The following KIAA1217 variants were observed in gnomAD, a reference collection of about 807,000 sequenced individuals.
KIAA1217 encodes KIAA1217, also known as sickle tail protein homolog.
A neutral mutation model predicts 163.9 loss-of-function variants in KIAA1217; 88 were observed. The observed-to-expected ratio is 0.54, with a 90% confidence interval of 0.45 to 0.64. KIAA1217 has a LOEUF of 0.64. KIAA1217 is among the 30% of genes least tolerant of loss of function. The pLI is 0.00. For missense variants in KIAA1217, 2,372 were observed against 2,475.0 expected, an observed-to-expected ratio of 0.96 and a Z score of 0.88; for synonymous variants, 903 against 923.1, an observed-to-expected ratio of 0.98 and a Z score of 0.39.
At chr10:24,267,829 A>G (rs1385606816) in intron 2 of KIAA1217, among the ~76,000 whole-genome samples, 1 of 152,246 alleles carries the variant, frequency 6.6e-6, no homozygotes, top group East Asian at 1.9e-4. Flanking sequence ...ACAACTGCAT[A>G]TTCTACTCAC....
intron 2 of KIAA1217, among the ~76,000 whole-genome samples, chr10:24,276,571 A>G (rs1289621844): frequency 2.0e-5 from 3 of 150,040 alleles, no homozygotes; most frequent in South Asian, 2.1e-4. Context: ...CAGCCTCCCT[A>G]GTAGCTGGAA....
chr10:24,246,466 C>T (rs1168492318), intron 2 of KIAA1217, among the ~76,000 whole-genome samples: 1 of 152,088 alleles, frequency 6.6e-6, no homozygotes, highest in Non-Finnish European at 1.5e-5. Context: ...CTCAAAAACA[C>T]TCAGTTTATT....
chr10:23,898,471 C>A (rs1841805060), intron 1 of KIAA1217, among the ~76,000 whole-genome samples: 2 of 151,866 alleles, frequency 1.3e-5, no homozygotes, highest in African/African-American at 2.4e-5. Context: ...TATAACTTCA[C>A]CATAAATAAT....
chr10:24,451,839 G>T (rs2132302218), intron 5 of KIAA1217, among the ~76,000 whole-genome samples: 1 of 152,284 alleles, frequency 6.6e-6, no homozygotes, highest in Middle Eastern at 3.4e-3. Context: ...TCATTTTCAA[G>T]TTGCATCCCT....
At chr10:23,826,783 G>A (rs182626053) in intron 1 of KIAA1217, among the ~76,000 whole-genome samples, 252 of 152,210 alleles carry the variant, frequency 1.7e-3, no homozygotes, top group Non-Finnish European at 1.3e-3. Context: ...CATATTCTCG[G>A]TTACTATTCT....
intron 2 of KIAA1217, among the ~76,000 whole-genome samples, chr10:24,270,814 T>C (rs2076702402): frequency 6.6e-6 from 1 of 152,244 alleles, no homozygotes; most frequent in African/African-American, 2.4e-5. Flanking sequence ...CCCAAGGTGA[T>C]GGGATCATAG....
At chr10:23,965,430 G>A (rs1845023530) in intron 1 of KIAA1217, among the ~76,000 whole-genome samples, 1 of 152,228 alleles carries the variant, frequency 6.6e-6, no homozygotes, top group African/African-American at 2.4e-5. Context: ...AGTCATTGTG[G>A]ATAGAGAGGC....
intron 2 of KIAA1217, among the ~76,000 whole-genome samples, chr10:24,263,651 A>T (rs1299284334): frequency 2.0e-5 from 3 of 152,160 alleles, no homozygotes; most frequent in African/African-American, 7.2e-5. Context: ...TTTGCTTTTT[A>T]GGTGTGAGGC....
chr10:24,340,424 A>G (rs547579567), intron 2 of KIAA1217, among the ~76,000 whole-genome samples: 19 of 152,288 alleles, frequency 1.2e-4, no homozygotes, highest in East Asian at 7.7e-4. Context: ...CACGTAAGCC[A>G]TGCCTTTCAC....
At chr10:23,717,619 CTTA>C (rs1837653241) in intron 1 of KIAA1217, among the ~76,000 whole-genome samples, 1 of 152,060 alleles carries the variant, frequency 6.6e-6, no homozygotes, top group Non-Finnish European at 1.5e-5. Context: ...TCTGAATGTT[CTTA>C]TTATTCCTAA....
intron 6 of KIAA1217, among the ~76,000 whole-genome samples, chr10:24,485,899 T>C (rs2065331708): frequency 6.6e-6 from 1 of 152,190 alleles, no homozygotes; most frequent in Non-Finnish European, 1.5e-5. Flanking sequence ...TTAATGAACT[T>C]GAATGCAGCA....
intron 2 of KIAA1217, among the ~76,000 whole-genome samples, chr10:24,130,296 A>G (rs1051402490): frequency 6.6e-6 from 1 of 152,210 alleles, no homozygotes; most frequent in Admixed American, 6.5e-5. Context: ...ACTAGCTTCA[A>G]ATGTATTATA....
chr10:23,739,395 T>A (rs894602245), intron 1 of KIAA1217, among the ~76,000 whole-genome samples: 9 of 152,218 alleles, frequency 5.9e-5, no homozygotes, highest in African/African-American at 2.2e-4. Flanking sequence ...ATTTTGTTTT[T>A]TAAAAAAGTA....
chr10:24,310,724 T>C (rs1372092543), intron 2 of KIAA1217, among the ~76,000 whole-genome samples: 1 of 152,082 alleles, frequency 6.6e-6, no homozygotes, highest in African/African-American at 2.4e-5. Flanking sequence ...AGGCTGGGTG[T>C]GGTGTCTCAT....
chr10:24,048,567 T>C (rs1849221356), intron 2 of KIAA1217, among the ~76,000 whole-genome samples: 2 of 151,376 alleles, frequency 1.3e-5, no homozygotes, highest in South Asian at 4.2e-4. Flanking sequence ...CTGCCTCTAC[T>C]AAAAATAAAA....
intron 2 of KIAA1217, among the ~76,000 whole-genome samples, chr10:24,123,254 T>C (rs2063350941): frequency 6.6e-6 from 1 of 152,166 alleles, no homozygotes; most frequent in South Asian, 2.1e-4. Flanking sequence ...TAAAGCATAG[T>C]CCATATTCTT....
chr10:24,103,920 C>G (rs1293879902), intron 2 of KIAA1217, among the ~76,000 whole-genome samples: 1 of 152,194 alleles, frequency 6.6e-6, no homozygotes, highest in African/African-American at 2.4e-5. Context: ...AATAGACCAA[C>G]ACAAACATAT....
intron 2 of KIAA1217, among the ~76,000 whole-genome samples, chr10:24,238,483 C>T (rs759450865): frequency 2.6e-5 from 4 of 152,054 alleles, no homozygotes; most frequent in Non-Finnish European, 4.4e-5. Flanking sequence ...TAGATTTCAG[C>T]GTAATTCTGG....
At chr10:23,953,034 T>G (rs1307220031) in intron 1 of KIAA1217, among the ~76,000 whole-genome samples, 2 of 152,232 alleles carry the variant, frequency 1.3e-5, no homozygotes, top group Non-Finnish European at 2.9e-5. Flanking sequence ...GTCTACTTCC[T>G]GAGAGAAGAC....
Sources: gnomAD v4.1 joint callset for allele counts (sites outside exome capture counted in the v4.1 genomes callset) on GRCh38, gnomAD v4.1.1 for gene constraint, MANE v1.5 for transcripts, NCBI Gene and HGNC (gene_info 2026-07-23, HGNC 2026-07-21) for gene names.